DACH2: variants seen among roughly 807,000 people sequenced by gnomAD.
DACH2 encodes the protein dachshund homolog 2.
DACH2 carries 17 observed loss-of-function variants against 35.8 expected under a neutral mutation model. The observed-to-expected ratio is 0.48, with a 90% CI of 0.33 to 0.71. DACH2 has a LOEUF of 0.71. Ranked by LOEUF, DACH2 falls within the 30% of genes least tolerant of loss-of-function variation. The probability of loss-of-function intolerance (pLI) is 0.02; values close to 1 mark genes in which losing one functional copy is unlikely to be tolerated. For synonymous variants in DACH2, 195 were observed against 177.3 expected, an observed-to-expected ratio of 1.10 and a Z score of -0.79; for missense variants, 469 against 472.7, an observed-to-expected ratio of 0.99 and a Z score of 0.07.
In DACH2 at chrX:86,577,926, C is replaced by T. The variant is rs185214184; in HGVS notation, c.640+63535C>T. The stretch of plus-strand genomic sequence containing the variant: ...TCACACCCCTTACCATATACCTTGA[C>T]CTATTCAAATATTTGATCTGATTTT... On this transcript the variant is annotated intron_variant, in intron 3 of 11. Transcript: ENST00000373125. Among the ~76,000 whole-genome samples the T allele has an allele frequency of 1.6e-3, 175 of 111,863 alleles. 1 individual carries two copies. In the South Asian group the frequency reaches 0.024, roughly 15 times the overall value.
chrX:86,206,405 G>A (rs993731945), intron 1 of DACH2, among the ~76,000 whole-genome samples: 4 of 112,137 alleles, frequency 3.6e-5, no homozygotes, highest in African/African-American at 1.3e-4. Flanking sequence ...TTGTGTCTGA[G>A]TCTGTTTAGT....
At chrX:86,493,498 C>A (rs1294527572) in intron 2 of DACH2, among the ~76,000 whole-genome samples, 1 of 111,510 alleles carries the variant, frequency 9.0e-6, no homozygotes, top group African/African-American at 3.3e-5. Context: ...TAATAACTGC[C>A]AAATTATTAG....
At chrX:86,245,513 A>C (rs1382465624) in intron 1 of DACH2, among the ~76,000 whole-genome samples, 1 of 111,779 alleles carries the variant, frequency 8.9e-6, no homozygotes, top group Non-Finnish European at 1.9e-5. Context: ...GAACAAATTC[A>C]TGGGCCTGGT....
intron 1 of DACH2, among the ~76,000 whole-genome samples, chrX:86,325,938 T>TA (rs1659745074): frequency 9.0e-6 from 1 of 111,395 alleles, no homozygotes; most frequent in Non-Finnish European, 1.9e-5. Context: ...CAGGATTTTT[T>TA]TTTTTATTTT....
intron 2 of DACH2, among the ~76,000 whole-genome samples, chrX:86,480,095 G>A (rs2037915426): frequency 9.0e-6 from 1 of 111,640 alleles, no homozygotes. Context: ...TCATAGTCTG[G>A]GCTTGTTTGT....
intron 7 of DACH2, among the ~76,000 whole-genome samples, chrX:86,797,425 C>A (rs1242326182): frequency 1.8e-5 from 2 of 110,775 alleles, no homozygotes; most frequent in African/African-American, 3.3e-5. Flanking sequence ...ACTTAAGATT[C>A]TTCTTTCAAA....
chrX:86,332,971 T>C (rs2035239523), intron 1 of DACH2, among the ~76,000 whole-genome samples: 1 of 112,120 alleles, frequency 8.9e-6, no homozygotes, highest in South Asian at 3.6e-4. Context: ...TTTATGCTTA[T>C]TAGTTTTTCA....
At chrX:86,596,863 C>A (rs2039719366) in intron 3 of DACH2, among the ~76,000 whole-genome samples, 1 of 111,549 alleles carries the variant, frequency 9.0e-6, no homozygotes, top group African/African-American at 3.2e-5. Flanking sequence ...CTGTGGTTAT[C>A]CTAGCACCAC....
chrX:86,810,585 A>G (rs2042385550), intron 7 of DACH2, among the ~76,000 whole-genome samples: 1 of 111,796 alleles, frequency 8.9e-6, no homozygotes, highest in Admixed American at 9.6e-5. Context: ...AAGTCATTCC[A>G]TCCACTTAAT....
intron 2 of DACH2, among the ~76,000 whole-genome samples, chrX:86,398,960 G>T (rs2036361260): frequency 9.0e-6 from 1 of 111,437 alleles, no homozygotes; most frequent in Non-Finnish European, 1.9e-5. Flanking sequence ...CTGTCTCATT[G>T]ATCTGTCTAA....
chrX:86,588,859 C>A (rs1009160316), intron 3 of DACH2, among the ~76,000 whole-genome samples: 4 of 111,034 alleles, frequency 3.6e-5, no homozygotes, highest in Non-Finnish European at 7.6e-5. Flanking sequence ...ATGTTTCTTT[C>A]TCTTGCATGA....
At chrX:86,497,719 C>T (rs890149474) in intron 2 of DACH2, among the ~76,000 whole-genome samples, 1 of 111,997 alleles carries the variant, frequency 8.9e-6, no homozygotes, top group Non-Finnish European at 1.9e-5. Flanking sequence ...ACTGGCCAGG[C>T]GTGGTGGCTC....
At chrX:86,441,596 G>A (rs906308840) in intron 2 of DACH2, among the ~76,000 whole-genome samples, 7 of 108,588 alleles carry the variant, frequency 6.4e-5, no homozygotes, top group African/African-American at 2.3e-4. Context: ...GAATTTTGCT[G>A]TAATAAACAT....
At chrX:86,297,967 A>G (rs953141124) in intron 1 of DACH2, among the ~76,000 whole-genome samples, 12 of 112,043 alleles carry the variant, frequency 1.1e-4, no homozygotes, top group Admixed American at 1.9e-4. Flanking sequence ...AAACTTGACA[A>G]GATAGTTCCA....
chrX:86,251,382 T>G (rs2033396935), intron 1 of DACH2, among the ~76,000 whole-genome samples: 1 of 111,065 alleles, frequency 9.0e-6, no homozygotes, highest in Non-Finnish European at 1.9e-5. Context: ...CAGGTGGTAT[T>G]TGGTTACATG....
At chrX:86,359,084 C>CTTATGTGTGTGTGTGTGT (rs200413091) in intron 1 of DACH2, among the ~76,000 whole-genome samples, 3 of 98,516 alleles carry the variant, frequency 3.0e-5, no homozygotes, top group Non-Finnish European at 4.1e-5. Context: ...TATATTTTGT[C>CTTATGTGTGTGTGTGTGT]GTGTGTGTGT....
At position 86,754,179 on chromosome X, in the gene DACH2, C is replaced by T. The variant is rs147158547; in HGVS notation, c.1240+14297C>T. On this transcript the variant is annotated intron_variant, in intron 7 of 11. Transcript: ENST00000373125. ...AATATAATTGTTAGAAATAAATTAA[C>T]GTAAACATTGAAATGAAAAACTAGA... is the stretch of plus-strand genomic sequence containing the variant. 3.3e-3 allele frequency among the ~76,000 whole-genome samples: 362 copies of T among 110,933 alleles called. 1 individual carries two copies. Among genetic ancestry groups the T allele is most frequent in the Non-Finnish European group, 4.5e-3 (238 of 52,857 alleles).
chrX:86,464,414 C>A (rs2037629136), intron 2 of DACH2, among the ~76,000 whole-genome samples: 1 of 111,189 alleles, frequency 9.0e-6, no homozygotes, highest in African/African-American at 3.3e-5. Context: ...CAAACTAACA[C>A]AGGAACAGAA....
intron 2 of DACH2, among the ~76,000 whole-genome samples, chrX:86,384,594 T>C: frequency 8.9e-6 from 1 of 112,044 alleles, no homozygotes; most frequent in Non-Finnish European, 1.9e-5. Flanking sequence ...TCCCAGTGTA[T>C]GAGGACTCTA....
Sources: gnomAD v4.1 joint callset for allele counts (sites outside exome capture counted in the v4.1 genomes callset) on GRCh38, gnomAD v4.1.1 for gene constraint, MANE v1.5 for transcripts, NCBI Gene and HGNC (gene_info 2026-07-23, HGNC 2026-07-21) for gene names.